PARVB: variants seen among roughly 807,000 people sequenced by gnomAD.
PARVB encodes the protein parvin beta, also known as beta-parvin.
PARVB carries 46 observed loss-of-function variants against 47.0 expected under a neutral mutation model. That is an observed-to-expected ratio of 0.98 (90% CI 0.77 to 1.25). The LOEUF (loss-of-function observed/expected upper bound fraction) is 1.25, where lower values mean the gene tolerates loss of function less well. Ranked by LOEUF, PARVB falls within the 50% of genes most tolerant of loss-of-function variation. The probability of loss-of-function intolerance (pLI) is 0.00; values close to 1 mark genes in which losing one functional copy is unlikely to be tolerated. For missense variants in PARVB, 473 were observed against 471.6 expected, an observed-to-expected ratio of 1.00 and a Z score of -0.03; for synonymous variants, 196 against 196.3, an observed-to-expected ratio of 1.00 and a Z score of 0.01.
intron 1 of PARVB, among the ~76,000 whole-genome samples, chr22:44,035,464 G>A (rs1027859129): frequency 1.3e-5 from 2 of 148,568 alleles, no homozygotes; most frequent in Non-Finnish European, 3.0e-5. Context: ...TCCGCCTCCT[G>A]GGTTCAAGCG....
chr22:44,146,624 T>A (rs1020110292), intron 8 of PARVB: 3 of 152,362 alleles, frequency 2.0e-5, no homozygotes, highest in Non-Finnish European at 4.4e-5. Flanking sequence ...CCAACTTCTC[T>A]CCGTAGGTCT....
intron 4 of PARVB, among the ~76,000 whole-genome samples, chr22:44,128,401 T>C (rs1055423898): frequency 5.9e-5 from 9 of 152,178 alleles, no homozygotes; most frequent in African/African-American, 2.2e-4. Flanking sequence ...AAGATAGGGG[T>C]CCTGGCCACA....
At chr22:44,026,270 G>C in intron 1 of PARVB, 1 of 975,150 alleles carries the variant, frequency 1.0e-6, no homozygotes, top group African/African-American at 1.7e-5. Flanking sequence ...TAATTCAAAT[G>C]CACCAAGAAT....
rs1023293542 is a variant in PARVB at position 44,158,044 on chromosome 22, C to T, written c.906C>T (p.Leu302=). 4 of 1,614,012 alleles carry T rather than the reference C, an allele frequency of 2.5e-6. No homozygotes were observed. Among genetic ancestry groups the T allele is most frequent in the Non-Finnish European group, 3.4e-6 (4 of 1,179,870 alleles). The stretch of plus-strand genomic sequence containing the variant: ...TTCTGGAAGACTACTTTGTTCCTCT[C>T]CACCACTTCTACCTGACTCCGGAAA... ...MGLLEDYFVP[L]HHFYLTPESF... Residue 302 remains leucine, a synonymous_variant, in exon 11 of 13, where the codon CTC becomes CTT. Transcript: ENST00000338758.
intron 2 of PARVB, among the ~76,000 whole-genome samples, chr22:44,018,032 A>G (rs1032294272): frequency 6.6e-6 from 1 of 152,168 alleles, no homozygotes; most frequent in Admixed American, 6.5e-5. Context: ...CCTAGATGAC[A>G]GTCTCACCCC....
At chr22:44,097,213 G>A (rs1490365980) in intron 2 of PARVB, among the ~76,000 whole-genome samples, 1 of 152,206 alleles carries the variant, frequency 6.6e-6, no homozygotes, top group African/African-American at 2.4e-5. Context: ...AGTCCCTGGA[G>A]TCCTGTTCCT....
intron 1 of PARVB, among the ~76,000 whole-genome samples, chr22:44,081,998 C>T (rs2051912104): frequency 6.6e-6 from 1 of 152,168 alleles, no homozygotes; most frequent in Admixed American, 6.5e-5. Flanking sequence ...CAGAGGCTTG[C>T]GTCGAAGGAC....
At chr22:44,088,239 G>T (rs933807206) in intron 1 of PARVB, among the ~76,000 whole-genome samples, 13 of 152,196 alleles carry the variant, frequency 8.5e-5, no homozygotes, top group Non-Finnish European at 1.6e-4. Flanking sequence ...AGGAAGGCAA[G>T]TTCGGGAAGG....
At position 44,096,106 on chromosome 22, in the gene PARVB, T is replaced by C. The variant is rs2052300928; in HGVS notation, c.202+2089T>C. ...TGAGTGTGGTGGCAAACACCTGAAA[T>C]CCCCGCTACCTGGGAGGCTAAGTCA... On this transcript the variant is annotated intron_variant, in intron 2 of 12. Transcript: ENST00000338758. Among the ~76,000 whole-genome samples, 3 of 152,068 alleles carry C rather than the reference T, an allele frequency of 2.0e-5. 1 individual carries two copies. In the South Asian group the frequency reaches 6.2e-4, roughly 32 times the overall value.
chr22:44,076,388 C>T (rs2051773813), intron 1 of PARVB, among the ~76,000 whole-genome samples: 1 of 152,354 alleles, frequency 6.6e-6, no homozygotes, highest in East Asian at 1.9e-4. Context: ...CAGTCCTCCC[C>T]TGCCAGAAAT....
intron 2 of PARVB, among the ~76,000 whole-genome samples, chr22:44,006,372 T>C (rs1407349705): frequency 6.6e-6 from 1 of 152,226 alleles, no homozygotes; most frequent in African/African-American, 2.4e-5. Flanking sequence ...ATGCCTGTAA[T>C]CCCAGCACTT....
At chr22:44,087,623 G>A (rs2052055093) in intron 1 of PARVB, among the ~76,000 whole-genome samples, 2 of 151,824 alleles carry the variant, frequency 1.3e-5, no homozygotes, top group Non-Finnish European at 2.9e-5. Flanking sequence ...AATATCAAAA[G>A]GGGGAAAAAA....
At chr22:44,032,560 T>A (rs2050844995) in intron 1 of PARVB, among the ~76,000 whole-genome samples, 1 of 152,168 alleles carries the variant, frequency 6.6e-6, no homozygotes, top group South Asian at 2.1e-4. Flanking sequence ...TGTTGCTTCT[T>A]CTCTCTAAGC....
At chr22:44,013,467 A>G (rs2146856317) in intron 2 of PARVB, among the ~76,000 whole-genome samples, 1 of 152,284 alleles carries the variant, frequency 6.6e-6, no homozygotes, top group Non-Finnish European at 1.5e-5. Context: ...TGGTGCCCAT[A>G]TGCAGGGGAG....
chr22:44,039,103 A>G (rs2050972665), intron 1 of PARVB, among the ~76,000 whole-genome samples: 1 of 152,200 alleles, frequency 6.6e-6, no homozygotes, highest in Non-Finnish European at 1.5e-5. Flanking sequence ...AGATGTGGTG[A>G]GAATAGGACA....
chr22:44,162,263 T>G (rs180742797), intron 11 of PARVB, among the ~76,000 whole-genome samples: 1 of 152,374 alleles, frequency 6.6e-6, no homozygotes, highest in East Asian at 1.9e-4. Flanking sequence ...TGTTCTTGTT[T>G]CTGATTCATT....
intron 1 of PARVB, among the ~76,000 whole-genome samples, chr22:44,085,152 T>C (rs1980198255): frequency 6.6e-6 from 1 of 152,190 alleles, no homozygotes; most frequent in African/African-American, 2.4e-5. Flanking sequence ...GCTGTATTTA[T>C]TTTAAAGTGT....
chr22:44,025,261 G>A (rs928666853), intron 1 of PARVB, among the ~76,000 whole-genome samples: 9 of 152,056 alleles, frequency 5.9e-5, no homozygotes, highest in Non-Finnish European at 7.4e-5. Context: ...CTCCCATAGC[G>A]GGTATGCAGT....
At chr22:44,010,188 A>C (rs567755084) in intron 2 of PARVB, among the ~76,000 whole-genome samples, 1 of 152,296 alleles carries the variant, frequency 6.6e-6, no homozygotes, top group East Asian at 1.9e-4. Context: ...TTTGTTCACG[A>C]GTGCACCCCA....
Sources: allele counts gnomAD v4.1 joint callset (sites outside exome capture counted in the v4.1 genomes callset), GRCh38; gene constraint gnomAD v4.1.1; transcripts MANE v1.5; gene names NCBI Gene and HGNC (gene_info 2026-07-23, HGNC 2026-07-21).